Variants in NPY2R observed in about 807,000 individuals in gnomAD.
NPY2R encodes neuropeptide Y receptor Y2.
Under a neutral mutation model 22.3 loss-of-function variants are expected in NPY2R, and 17 were observed. That is an observed-to-expected ratio of 0.76 (90% CI 0.52 to 1.14). The LOEUF is 1.14. Among genes scored for constraint, NPY2R ranks in the 50% most tolerant of loss-of-function variants. The pLI is 0.00. For synonymous variants in NPY2R, 209 were observed against 183.4 expected (o/e 1.14, Z -1.13); for missense variants, 424 against 467.9 (o/e 0.91, Z 0.87).
chr4:155,193,779 A>C, the NPY2R span, among the ~76,000 whole-genome samples: 1 of 151,950 alleles, frequency 6.6e-6, no homozygotes, highest in African/African-American at 2.4e-5. Flanking sequence ...TGTATGAGAA[A>C]CATTTATTGA....
chr4:155,180,745 T>C, the NPY2R span, among the ~76,000 whole-genome samples: 8 of 151,984 alleles, frequency 5.3e-5, no homozygotes, highest in African/African-American at 1.9e-4. Flanking sequence ...TGTATTAGAG[T>C]AGGCATGTTA....
chr4:155,174,332 A>C, the NPY2R span: 1 of 151,570 alleles, frequency 6.6e-6, no homozygotes, highest in African/African-American at 2.4e-5. Context: ...TCTCATAAAT[A>C]TTCTATTCAC....
the NPY2R span, among the ~76,000 whole-genome samples, chr4:155,194,323 G>A: frequency 6.7e-6 from 1 of 149,958 alleles, no homozygotes; most frequent in Non-Finnish European, 1.5e-5. Context: ...GCTGGGGTTT[G>A]GTGTACCAAT....
chr4:155,200,003 T>C, the NPY2R span, among the ~76,000 whole-genome samples: 18 of 151,788 alleles, frequency 1.2e-4, no homozygotes, highest in African/African-American at 4.3e-4. Flanking sequence ...AAGCCAAAAT[T>C]GACCATTAAA....
intron 1 of NPY2R, among the ~76,000 whole-genome samples, chr4:155,211,577 G>C (rs1016533593): frequency 2.6e-5 from 4 of 152,182 alleles, no homozygotes. Flanking sequence ...TGTGGGTGCA[G>C]ATCCTTTGGT....
chr4:155,206,952 A>T (rs370701625), upstream of NPY2R: 16 of 152,366 alleles, frequency 1.1e-4, no homozygotes, highest in East Asian at 2.3e-3. Flanking sequence ...ATTTGGGCAA[A>T]GAGTACTTTC....
At chr4:155,192,702 T>C in the NPY2R span, among the ~76,000 whole-genome samples, 1 of 151,934 alleles carries the variant, frequency 6.6e-6, no homozygotes, top group African/African-American at 2.4e-5. Context: ...TTCATAAATG[T>C]AACTTGAAAA....
At chr4:155,195,465 G>T in the NPY2R span, among the ~76,000 whole-genome samples, 1 of 151,942 alleles carries the variant, frequency 6.6e-6, no homozygotes, top group Admixed American at 6.6e-5. Context: ...CAATTTTGAT[G>T]AAGGGAACCA....
Position 155,214,104 on chromosome 4 carries a change from G to C in NPY2R, c.165G>C (p.Leu55Phe). The C allele has an allele frequency of 6.2e-7, 1 of 1,613,916 alleles. No homozygotes were observed. Among genetic ancestry groups the C allele is most frequent in the South Asian group, 1.1e-5 (1 of 91,078 alleles). Residue 55 changes from leucine to phenylalanine, a missense_variant, in exon 2 of 2, where the codon TTG (leucine) becomes TTC (phenylalanine). Leu to Phe is a conservative substitution (Grantham distance 22). Coordinates refer to ENST00000329476, the MANE Select transcript of NPY2R (RefSeq NM_000910.4). ...KLIEVQVVLI[L>F]AYCSIILLGV... ...TTGAGGTACAAGTTGTTCTCATATT[G>C]GCCTACTGCTCCATCATCTTGCTTG...
chr4:155,203,509 T>C, the NPY2R span, among the ~76,000 whole-genome samples: 5 of 152,190 alleles, frequency 3.3e-5, no homozygotes, highest in Non-Finnish European at 5.9e-5. Flanking sequence ...TACACTTATA[T>C]AGACTTTTTT....
chr4:155,197,109 T>C, the NPY2R span, among the ~76,000 whole-genome samples: 2 of 152,122 alleles, frequency 1.3e-5, no homozygotes, highest in African/African-American at 4.8e-5. Context: ...GCCATAAATA[T>C]AGTTAACTTT....
At chr4:155,201,941 A>G in the NPY2R span, among the ~76,000 whole-genome samples, 1 of 152,092 alleles carries the variant, frequency 6.6e-6, no homozygotes, top group African/African-American at 2.4e-5. Flanking sequence ...CACATTTGGG[A>G]TCCTACTTTG....
At chr4:155,173,733 A>G in the NPY2R span, 5 of 151,830 alleles carry the variant, frequency 3.3e-5, no homozygotes, top group Non-Finnish European at 7.4e-5. Context: ...GTATTGAGGA[A>G]CCATATTCAT....
chr4:155,202,206 T>C, the NPY2R span, among the ~76,000 whole-genome samples: 1 of 152,178 alleles, frequency 6.6e-6, no homozygotes, highest in Non-Finnish European at 1.5e-5. Flanking sequence ...GAAGTATTTC[T>C]ATCTAGGTTT....
chr4:155,192,321 C>T, the NPY2R span, among the ~76,000 whole-genome samples: 2 of 151,712 alleles, frequency 1.3e-5, no homozygotes, highest in Non-Finnish European at 2.9e-5. Context: ...CTCCAAGAGG[C>T]TGGCAAATAG....
At chr4:155,195,384 G>T in the NPY2R span, among the ~76,000 whole-genome samples, 1 of 151,912 alleles carries the variant, frequency 6.6e-6, no homozygotes, top group Non-Finnish European at 1.5e-5. Context: ...CATCTCTCAT[G>T]CCAAGAGATT....
chr4:155,202,725 A>G, the NPY2R span, among the ~76,000 whole-genome samples: 2 of 152,278 alleles, frequency 1.3e-5, no homozygotes, highest in East Asian at 3.9e-4. Context: ...TAGCATGAGA[A>G]AGAGCTTTGA....
At chr4:155,184,868 T>A in the NPY2R span, among the ~76,000 whole-genome samples, 4 of 151,500 alleles carry the variant, frequency 2.6e-5, no homozygotes, top group Non-Finnish European at 4.4e-5. Flanking sequence ...AATATTTGTT[T>A]CTGAATTCTG....
At chr4:155,176,563 T>C in the NPY2R span, among the ~76,000 whole-genome samples, 10 of 152,300 alleles carry the variant, frequency 6.6e-5, no homozygotes, top group Non-Finnish European at 7.3e-5. Flanking sequence ...CCCTACCTGA[T>C]AGCCGGTGCA....
Sources: allele counts gnomAD v4.1 joint callset (sites outside exome capture counted in the v4.1 genomes callset), GRCh38; gene constraint gnomAD v4.1.1; transcripts MANE v1.5; gene names NCBI Gene and HGNC (gene_info 2026-07-23, HGNC 2026-07-21).